CERT1: variants seen among roughly 807,000 people sequenced by gnomAD.
The protein encoded by CERT1 is ceramide transfer protein.
In CERT1, 31 loss-of-function variants were observed where a neutral mutation model predicts 87.9. The ratio of observed to expected loss-of-function variants is 0.35; its 90% CI spans 0.27 to 0.48. The LOEUF (loss-of-function observed/expected upper bound fraction) is 0.48. Ranked by LOEUF, CERT1 falls within the 20% of genes least tolerant of loss-of-function variation. CERT1 has a pLI of 0.99. For missense variants in CERT1, 487 were observed against 758.0 expected, an observed-to-expected ratio of 0.64 and a Z score of 4.20; for synonymous variants, 289 against 250.9, an observed-to-expected ratio of 1.15 and a Z score of -1.44.
rs34822454 is a variant in CERT1 at position 75,408,475 on chromosome 5, C to T, written c.930+2536G>A. ...GTTCATCTGCATCTCGTTATTGGGCCGTGAGAAATAGCAGCCCGAACCTCA... is the reference window on the plus strand; with the variant it reads ...GTTCATCTGCATCTCGTTATTGGGCTGTGAGAAATAGCAGCCCGAACCTCA... On this transcript the variant is annotated intron_variant, in intron 8 of 16. Coordinates refer to ENST00000643780, the MANE Select transcript of CERT1 (RefSeq NM_001379029.1). Among the ~76,000 whole-genome samples the T allele has an allele frequency of 4.3e-3, 656 of 152,106 alleles. 1 individual carries two copies. Among genetic ancestry groups the T allele is most frequent in the Middle Eastern group, 0.014 (4 of 294 alleles).
intron 11 of CERT1, among the ~76,000 whole-genome samples, chr5:75,396,571 G>GA (rs1762262270): frequency 1.3e-5 from 2 of 150,858 alleles, no homozygotes; most frequent in African/African-American, 4.9e-5. Context: ...TACTAAAAAT[G>GA]AAAAAAAATT....
chr5:75,504,111 CA>C (rs1367877107), intron 2 of CERT1, among the ~76,000 whole-genome samples: 1 of 151,820 alleles, frequency 6.6e-6, no homozygotes, highest in Non-Finnish European at 1.5e-5. Flanking sequence ...TTAAGCATTG[CA>C]ACTAATAAAC....
rs538344441 is a variant in CERT1, at chr5:75,507,702, T to C, written c.97-1586A>G. ...ACAGATTAGTGGATATAGGATAAAATAGGCTCAACTATTTTATAACTCATG... is the reference window on the plus strand; with the variant it reads ...ACAGATTAGTGGATATAGGATAAAACAGGCTCAACTATTTTATAACTCATG... On this transcript the variant is annotated intron_variant, in intron 1 of 16. Transcript: ENST00000643780. Among the ~76,000 whole-genome samples, 57 of 152,240 alleles carry C rather than the reference T, an allele frequency of 3.7e-4. 1 individual carries two copies. The highest frequency in any genetic ancestry group is 1.3e-3 in the Admixed American group (20 of 15,278).
chr5:75,425,041 C>A (rs970626309), intron 5 of CERT1, among the ~76,000 whole-genome samples: 3 of 152,082 alleles, frequency 2.0e-5, no homozygotes, highest in African/African-American at 4.8e-5. Flanking sequence ...TTGCTTGAGG[C>A]CAGAAGTTTG....
At chr5:75,507,965 G>A (rs141148726) in intron 1 of CERT1, among the ~76,000 whole-genome samples, 58 of 152,038 alleles carry the variant, frequency 3.8e-4, no homozygotes, top group African/African-American at 1.2e-3. Context: ...TCCAGTTCCT[G>A]TATTCCTTAG....
rs528126200 is a variant in CERT1 at position 75,381,514 on chromosome 5, C to T, written c.1618-313G>A. On this transcript the variant is annotated intron_variant, in intron 15 of 16. Coordinates refer to ENST00000643780, the MANE Select transcript of CERT1 (RefSeq NM_001379029.1). Reference sequence around the variant, plus strand: ...GGGACCACAGGTGCACATCACCAGGCCTGGCTAATTAAAAAAAAAAAAAAA... The same window carrying T: ...GGGACCACAGGTGCACATCACCAGGTCTGGCTAATTAAAAAAAAAAAAAAA... Among the ~76,000 whole-genome samples, 4 of 151,056 alleles carry T rather than the reference C, an allele frequency of 2.6e-5. No homozygotes were observed. The East Asian group carries it at 7.7e-4, about 29-fold the overall frequency.
Position 75,511,343 on chromosome 5 carries a change from G to A in CERT1, c.-136C>T, listed in dbSNP as rs1302809924. 6 of 1,544,662 alleles carry A rather than the reference G, an allele frequency of 3.9e-6. No homozygotes were observed. The highest frequency in any genetic ancestry group is 2.6e-6 in the Non-Finnish European group (3 of 1,146,078). On this transcript the variant is annotated 5_prime_UTR_variant, in exon 1 of 17. Coordinates refer to ENST00000643780, the MANE Select transcript of CERT1 (RefSeq NM_001379029.1). ...GCTCCGGTGTGGGGGGGAGCAGGAGGAGGGACGAAGTCCGCCCGCCGCGCC... is the reference window on the plus strand; with the variant it reads ...GCTCCGGTGTGGGGGGGAGCAGGAGAAGGGACGAAGTCCGCCCGCCGCGCC...
intron 11 of CERT1, among the ~76,000 whole-genome samples, chr5:75,391,662 T>C (rs1467050217): frequency 1.3e-5 from 2 of 152,178 alleles, no homozygotes; most frequent in East Asian, 3.8e-4. Flanking sequence ...ACATACAAAA[T>C]GTATCTGATT....
intron 14 of CERT1, 100 bp from the exon 15 acceptor site, chr5:75,382,177 A>T: frequency 9.2e-7 from 1 of 1,090,396 alleles, no homozygotes; most frequent in Middle Eastern, 2.4e-4. Context: ...AAAATCTCTC[A>T]AATTTTAAAT....
rs550741896 is a variant in CERT1, at chr5:75,508,730, T to C, written c.96+2382A>G. On this transcript the variant is annotated intron_variant, in intron 1 of 16. Transcript: ENST00000643780. Reference sequence around the variant, plus strand: ...CAGAAGCAAGCTACAAACAAAATGCTATGGGAATTCAAGTGAAGGAGGTCT... The same window carrying C: ...CAGAAGCAAGCTACAAACAAAATGCCATGGGAATTCAAGTGAAGGAGGTCT... Among the ~76,000 whole-genome samples, 5 of 152,210 alleles carry C rather than the reference T, an allele frequency of 3.3e-5. 1 individual carries two copies. In the South Asian group the frequency reaches 1.0e-3, roughly 32 times the overall value.
intron 1 of CERT1, among the ~76,000 whole-genome samples, chr5:75,509,972 T>C (rs1426935138): frequency 3.3e-5 from 5 of 152,214 alleles, no homozygotes; most frequent in Non-Finnish European, 7.3e-5. Flanking sequence ...AAGTCAACAC[T>C]TGCAATCCTT....
chr5:75,425,672 A>T (rs1763586453), intron 4 of CERT1, among the ~76,000 whole-genome samples, 173 bp from the exon 5 acceptor site: 1 of 152,248 alleles, frequency 6.6e-6, no homozygotes, highest in South Asian at 2.1e-4. Context: ...AAACTGATGA[A>T]TCTATTGGCT....
At chr5:75,511,834 C>T (rs1561319621), upstream of CERT1, 1 of 1,550,482 alleles carries the variant, frequency 6.4e-7, no homozygotes, top group Non-Finnish European at 8.7e-7. Context: ...AGGGATGCAG[C>T]TGTGCTGCAT....
intron 2 of CERT1, among the ~76,000 whole-genome samples, chr5:75,475,455 C>T (rs1408357828): frequency 6.6e-6 from 1 of 152,126 alleles, no homozygotes; most frequent in Non-Finnish European, 1.5e-5. Flanking sequence ...TTAATACCTA[C>T]ATATTTTTAA....
At chr5:75,410,413 T>G (rs1762885591) in intron 8 of CERT1, among the ~76,000 whole-genome samples, 3 of 151,950 alleles carry the variant, frequency 2.0e-5, no homozygotes, top group South Asian at 4.1e-4. Context: ...ATCGAGACCA[T>G]CCTGGCTAAC....
chr5:75,485,138 T>C (rs1766449148), intron 2 of CERT1, among the ~76,000 whole-genome samples: 1 of 151,726 alleles, frequency 6.6e-6, no homozygotes, highest in Non-Finnish European at 1.5e-5. Flanking sequence ...AACAATTTTT[T>C]TGAAACAAAT....
chr5:75,501,762 A>C (rs1397021011), intron 2 of CERT1, among the ~76,000 whole-genome samples: 1 of 152,210 alleles, frequency 6.6e-6, no homozygotes, highest in Non-Finnish European at 1.5e-5. Flanking sequence ...TATTTAATTA[A>C]TGCTACCAGG....
chr5:75,438,763 G>GT (rs1267477612), intron 3 of CERT1, among the ~76,000 whole-genome samples: 1 of 151,934 alleles, frequency 6.6e-6, no homozygotes, highest in Non-Finnish European at 1.5e-5. Context: ...AAATTTGTTA[G>GT]TATTTGTAAG....
intron 7 of CERT1, among the ~76,000 whole-genome samples, chr5:75,415,153 CACAT>C (rs1763088284): frequency 6.6e-6 from 1 of 152,162 alleles, no homozygotes; most frequent in South Asian, 2.1e-4. Flanking sequence ...TATGAACACA[CACAT>C]ACTGTGTGTA....
Sources: gnomAD v4.1 joint callset for allele counts (sites outside exome capture counted in the v4.1 genomes callset) on GRCh38, gnomAD v4.1.1 for gene constraint, MANE v1.5 for transcripts, NCBI Gene and HGNC (gene_info 2026-07-23, HGNC 2026-07-21) for gene names.